The following B3GALT1 variants were observed in gnomAD, a reference collection of about 807,000 sequenced individuals.
B3GALT1 encodes the protein UDP-Gal:betaGlcNAc beta 1,3-galactosyltransferase, polypeptide 1.
A neutral mutation model predicts 23.2 loss-of-function variants in B3GALT1; 10 were observed. The observed-to-expected ratio is 0.43, with a 90% confidence interval of 0.27 to 0.73. The LOEUF (loss-of-function observed/expected upper bound fraction) is 0.73. Ranked by LOEUF, B3GALT1 falls within the 30% of genes least tolerant of loss-of-function variation. The probability of loss-of-function intolerance (pLI) is 0.21; values close to 1 mark genes in which losing one functional copy is unlikely to be tolerated. For synonymous variants in B3GALT1, 156 were observed against 141.5 expected (o/e 1.10, Z -0.73); for missense variants, 299 against 405.4 (o/e 0.74, Z 2.25).
chr2:167,563,884 G>T (rs1330108416), intron 2 of B3GALT1, among the ~76,000 whole-genome samples: 1 of 52,828 alleles, frequency 1.9e-5, no homozygotes, highest in Non-Finnish European at 3.8e-5. Flanking sequence ...TCTGCCGGAC[G>T]GGGCGGCCGG....
intron 2 of B3GALT1, among the ~76,000 whole-genome samples, chr2:167,574,923 C>T (rs983974853): frequency 2.6e-5 from 4 of 151,626 alleles, no homozygotes; most frequent in African/African-American, 7.3e-5. Flanking sequence ...GCTTTTAAAC[C>T]GTGTCTCCCC....
chr2:167,794,071 C>T (rs938243923), intron 3 of B3GALT1, among the ~76,000 whole-genome samples: 4 of 152,210 alleles, frequency 2.6e-5, no homozygotes, highest in African/African-American at 4.8e-5. Context: ...ACATATGATG[C>T]GCTTTTTGCT....
intron 1 of B3GALT1, among the ~76,000 whole-genome samples, chr2:167,380,878 A>C (rs1021115081): frequency 6.6e-6 from 1 of 152,094 alleles, no homozygotes; most frequent in African/African-American, 2.4e-5. Flanking sequence ...GTTTGTTGGC[A>C]TTCTCGCCTC....
At chr2:167,713,693 G>C in intron 3 of B3GALT1, 1 of 1,480,462 alleles carries the variant, frequency 6.8e-7, no homozygotes, top group Non-Finnish European at 9.4e-7. Flanking sequence ...TCAGTAGCAG[G>C]CTCCTTTGAA....
At chr2:167,329,420 C>G (rs1371772987) in intron 1 of B3GALT1, among the ~76,000 whole-genome samples, 24 of 152,086 alleles carry the variant, frequency 1.6e-4, no homozygotes, top group Admixed American at 1.6e-3. Flanking sequence ...TAATGTGTAT[C>G]CTGGAGAATG....
At chr2:167,816,739 A>G (rs1356311773) in intron 3 of B3GALT1, among the ~76,000 whole-genome samples, 2 of 152,198 alleles carry the variant, frequency 1.3e-5, no homozygotes, top group Admixed American at 1.3e-4. Context: ...CTATTTTTCC[A>G]ATGTCAACAT....
chr2:167,761,034 T>G (rs1434380533), intron 3 of B3GALT1, among the ~76,000 whole-genome samples: 3 of 152,166 alleles, frequency 2.0e-5, no homozygotes, highest in African/African-American at 7.2e-5. Context: ...TTAATTTCCC[T>G]GAGAAAAGAC....
chr2:167,723,298 T>C (rs547105413), intron 3 of B3GALT1, among the ~76,000 whole-genome samples: 35 of 152,348 alleles, frequency 2.3e-4, no homozygotes, highest in African/African-American at 8.4e-4. Context: ...TGATGCAGTC[T>C]TCTCATTTAG....
intron 3 of B3GALT1, among the ~76,000 whole-genome samples, chr2:167,803,960 C>A (rs1355916983): frequency 6.6e-6 from 1 of 152,156 alleles, no homozygotes; most frequent in Admixed American, 6.5e-5. Context: ...ATATGTATTG[C>A]ACGAAGTATA....
intron 1 of B3GALT1, among the ~76,000 whole-genome samples, chr2:167,486,463 C>G (rs1256760576): frequency 6.6e-6 from 1 of 151,560 alleles, no homozygotes; most frequent in Admixed American, 6.6e-5. Flanking sequence ...GTGGCTCATG[C>G]CTGCCCAGCG....
At chr2:167,428,655 G>A (rs564705825) in intron 1 of B3GALT1, among the ~76,000 whole-genome samples, 6 of 152,050 alleles carry the variant, frequency 3.9e-5, no homozygotes, top group South Asian at 2.1e-4. Context: ...TCTAGCCTGG[G>A]TGACAGAGCG....
intron 1 of B3GALT1, among the ~76,000 whole-genome samples, chr2:167,485,568 A>G (rs1699615618): frequency 6.6e-6 from 1 of 152,206 alleles, no homozygotes. Flanking sequence ...GCATTAAGTT[A>G]TCTTGTATGT....
chr2:167,306,909 A>G (rs1162517686), intron 1 of B3GALT1, among the ~76,000 whole-genome samples: 3 of 152,036 alleles, frequency 2.0e-5, no homozygotes, highest in African/African-American at 7.2e-5. Flanking sequence ...AACATTTTAA[A>G]GAGATACTGT....
chr2:167,650,668 G>A (rs1252499667), intron 3 of B3GALT1, among the ~76,000 whole-genome samples: 1 of 151,948 alleles, frequency 6.6e-6, no homozygotes, highest in Non-Finnish European at 1.5e-5. Flanking sequence ...TCTTTGCTTG[G>A]AGGTTTTTGA....
At chr2:167,394,075 T>G (rs1293957157) in intron 1 of B3GALT1, among the ~76,000 whole-genome samples, 1 of 152,208 alleles carries the variant, frequency 6.6e-6, no homozygotes, top group Non-Finnish European at 1.5e-5. Context: ...TATTTAATTT[T>G]AGCTGTGAAA....
At chr2:167,529,826 T>C (rs1203919404) in intron 2 of B3GALT1, among the ~76,000 whole-genome samples, 1 of 151,990 alleles carries the variant, frequency 6.6e-6, no homozygotes, top group Non-Finnish European at 1.5e-5. Context: ...ACCTGAATTA[T>C]TTCAGTAGTC....
chr2:167,778,031 A>G (rs570706634), intron 3 of B3GALT1, among the ~76,000 whole-genome samples: 16 of 152,234 alleles, frequency 1.1e-4, no homozygotes, highest in African/African-American at 3.6e-4. Flanking sequence ...CAAGTTGTCA[A>G]TAGTTCTAAG....
intron 4 of B3GALT1, among the ~76,000 whole-genome samples, chr2:167,835,329 G>T (rs372589991): frequency 4.0e-5 from 6 of 150,704 alleles, no homozygotes; most frequent in Non-Finnish European, 7.4e-5. Context: ...ACTCCCACCC[G>T]AATACTGTGC....
At chr2:167,616,316 A>G (rs969774338) in intron 2 of B3GALT1, among the ~76,000 whole-genome samples, 5 of 152,056 alleles carry the variant, frequency 3.3e-5, no homozygotes, top group Non-Finnish European at 7.4e-5. Context: ...TAAATCACAT[A>G]CTTTGACCCA....
Sources: gnomAD v4.1 joint callset for allele counts (sites outside exome capture counted in the v4.1 genomes callset) on GRCh38, gnomAD v4.1.1 for gene constraint, MANE v1.5 for transcripts, NCBI Gene and HGNC (gene_info 2026-07-23, HGNC 2026-07-21) for gene names.